PPARG: variants seen among roughly 807,000 people sequenced by gnomAD.
PPARG encodes peroxisome proliferator-activated receptor gamma.
PPARG carries 17 observed loss-of-function variants against 39.2 expected under a neutral mutation model. That is an observed-to-expected ratio of 0.43 (90% confidence interval 0.30 to 0.65). The LOEUF is 0.65. Among genes scored for constraint, PPARG ranks in the 30% least tolerant of loss-of-function variants. The pLI is 0.13. For synonymous variants in PPARG, 223 were observed against 215.7 expected (o/e 1.03, Z -0.30); for missense variants, 406 against 585.9 (o/e 0.69, Z 3.17).
chr3:12,316,109 A>C (rs1291073177), intron 2 of PPARG, among the ~76,000 whole-genome samples: 11 of 152,234 alleles, frequency 7.2e-5, no homozygotes, highest in Admixed American at 7.2e-4. Flanking sequence ...AGTTGTCTAG[A>C]AAATCAGTTT....
chr3:12,323,019 T>C (rs901603472), intron 2 of PPARG, among the ~76,000 whole-genome samples: 7 of 151,994 alleles, frequency 4.6e-5, no homozygotes, highest in African/African-American at 1.2e-4. Flanking sequence ...TTGGCCAGCC[T>C]GGTCTTGAAC....
chr3:12,397,535 T>C (rs1469583267), intron 5 of PPARG, among the ~76,000 whole-genome samples: 1 of 151,382 alleles, frequency 6.6e-6, no homozygotes, highest in Non-Finnish European at 1.5e-5. Context: ...CTCACCCTCC[T>C]GAGTAGCTGG....
intron 2 of PPARG, among the ~76,000 whole-genome samples, chr3:12,376,823 A>G (rs1446506777): frequency 1.3e-5 from 2 of 152,190 alleles, no homozygotes; most frequent in East Asian, 3.9e-4. Context: ...AGCACCTACT[A>G]TGAGACAAGC....
At chr3:12,381,149 T>G (rs1054648916) in intron 3 of PPARG, among the ~76,000 whole-genome samples, 173 bp from the exon 4 acceptor site, 1 of 152,136 alleles carries the variant, frequency 6.6e-6, no homozygotes, top group Non-Finnish European at 1.5e-5. Context: ...TTGCCTGTGA[T>G]TACAAACCTT....
At chr3:12,381,286 T>C (rs1433531568) in intron 3 of PPARG, 36 bp from the exon 4 acceptor site, 3 of 1,604,470 alleles carry the variant, frequency 1.9e-6, no homozygotes, top group Middle Eastern at 3.3e-4. Context: ...ACTGTTTTCA[T>C]GGGATAATTA....
intron 6 of PPARG, among the ~76,000 whole-genome samples, chr3:12,414,582 C>G (rs1463971198): frequency 6.6e-6 from 1 of 152,106 alleles, no homozygotes; most frequent in Non-Finnish European, 1.5e-5. Flanking sequence ...GCATCATTAT[C>G]CATTCACATT....
At chr3:12,344,228 A>G (rs2048265447) in intron 2 of PPARG, among the ~76,000 whole-genome samples, 1 of 152,212 alleles carries the variant, frequency 6.6e-6, no homozygotes, top group Non-Finnish European at 1.5e-5. Context: ...AGCCCCTGAC[A>G]GCGTAGGCAC....
chr3:12,296,900 T>G (rs959830218), intron 1 of PPARG, among the ~76,000 whole-genome samples: 3 of 152,236 alleles, frequency 2.0e-5, no homozygotes, highest in Non-Finnish European at 4.4e-5. Flanking sequence ...AAATATTCCC[T>G]TCCTAGTGAT....
At chr3:12,293,214 C>T (rs1197576377) in intron 1 of PPARG, among the ~76,000 whole-genome samples, 1 of 152,114 alleles carries the variant, frequency 6.6e-6, no homozygotes, top group Non-Finnish European at 1.5e-5. Context: ...AGATTTTAAA[C>T]CCTCCAGTCA....
At chr3:12,327,608 T>G (rs2047731610) in intron 2 of PPARG, among the ~76,000 whole-genome samples, 1 of 152,132 alleles carries the variant, frequency 6.6e-6, no homozygotes, top group Admixed American at 6.5e-5. Context: ...CAGATGCTTT[T>G]TTGGCACTGT....
In PPARG at chr3:12,377,568, C is replaced by T. The variant is rs534756968; in HGVS notation, c.-8-2136C>T. 1.9e-4 allele frequency among the ~76,000 whole-genome samples: 29 copies of T among 151,996 alleles called. No individual in the cohort carries two copies. In the East Asian group the frequency reaches 5.6e-3, roughly 29 times the overall value. On this transcript the variant is annotated intron_variant, in intron 2 of 7. Coordinates refer to ENST00000651735, the MANE Select transcript of PPARG (RefSeq NM_138711.6). ...TTAAGAACAAAATTATTTTAGGATG[C>T]AATTAAAGAAGAAGTTCATTTACCT...
At chr3:12,409,949 ATAAAT>A (rs1329557237) in intron 6 of PPARG, among the ~76,000 whole-genome samples, 1 of 152,184 alleles carries the variant, frequency 6.6e-6, no homozygotes, top group East Asian at 1.9e-4. Context: ...TTCAAAATGG[ATAAAT>A]TAAATTCCCC....
At chr3:12,350,989 G>A (rs2048468832) in intron 2 of PPARG, among the ~76,000 whole-genome samples, 1 of 152,072 alleles carries the variant, frequency 6.6e-6, no homozygotes, top group Non-Finnish European at 1.5e-5. Context: ...AAGTACCTTA[G>A]GAATATAACA....
chr3:12,332,194 A>G (rs2047881299), intron 2 of PPARG, among the ~76,000 whole-genome samples: 1 of 152,212 alleles, frequency 6.6e-6, no homozygotes, highest in South Asian at 2.1e-4. Flanking sequence ...ATCAACCAAA[A>G]AGCCCTTTTT....
chr3:12,318,757 A>G (rs1323759550), intron 2 of PPARG, among the ~76,000 whole-genome samples: 2 of 152,230 alleles, frequency 1.3e-5, no homozygotes, highest in South Asian at 2.1e-4. Context: ...TATATATCAC[A>G]AATAATACAT....
chr3:12,315,067 T>C (rs367817058), intron 2 of PPARG, among the ~76,000 whole-genome samples: 22 of 152,332 alleles, frequency 1.4e-4, no homozygotes, highest in Admixed American at 5.2e-4. Context: ...AACTATTCCT[T>C]GTATCTAACT....
intron 1 of PPARG, among the ~76,000 whole-genome samples, chr3:12,296,103 T>C (rs939569610): frequency 7.3e-5 from 11 of 150,450 alleles, no homozygotes; most frequent in African/African-American, 2.4e-4. Context: ...AATACAAAAA[T>C]TAACTGGGCG....
chr3:12,368,237 A>G (rs539277364), intron 2 of PPARG, among the ~76,000 whole-genome samples: 1 of 138,034 alleles, frequency 7.2e-6, no homozygotes, highest in South Asian at 2.3e-4. Context: ...GCTGGAGTGC[A>G]CTGGCATGAA....
intron 1 of PPARG, among the ~76,000 whole-genome samples, chr3:12,292,972 C>G (rs535475336): frequency 2.6e-5 from 4 of 152,344 alleles, no homozygotes; most frequent in East Asian, 1.9e-4. Flanking sequence ...CAAAGAAAGG[C>G]TCATGCTGGT....
Sources: allele counts gnomAD v4.1 joint callset (sites outside exome capture counted in the v4.1 genomes callset), GRCh38; gene constraint gnomAD v4.1.1; transcripts MANE v1.5; gene names NCBI Gene and HGNC (gene_info 2026-07-23, HGNC 2026-07-21).